Variants in FTO observed in about 807,000 individuals in gnomAD.
The protein encoded by FTO is FTO alpha-ketoglutarate dependent dioxygenase.
Under a neutral mutation model 63.9 loss-of-function variants are expected in FTO, and 47 were observed. That is an observed-to-expected ratio of 0.74 (90% confidence interval 0.58 to 0.94). FTO has a LOEUF of 0.94. Ranked by LOEUF, FTO falls within the 40% of genes least tolerant of loss-of-function variation. The pLI is 0.00. For synonymous variants in FTO, 207 were observed against 224.4 expected (o/e 0.92, Z 0.69); for missense variants, 562 against 618.1 (o/e 0.91, Z 0.96).
At chr16:54,062,293 G>A (rs904845255) in intron 8 of FTO, among the ~76,000 whole-genome samples, 7 of 152,160 alleles carry the variant, frequency 4.6e-5, no homozygotes, top group South Asian at 2.1e-4. Flanking sequence ...TTGGCTTGCC[G>A]TGATAGTTCA....
chr16:53,926,898 A>G (rs1428018041), intron 7 of FTO, among the ~76,000 whole-genome samples: 1 of 152,140 alleles, frequency 6.6e-6, no homozygotes, highest in Non-Finnish European at 1.5e-5. Flanking sequence ...AATGCCAATA[A>G]CCGAAGCATA....
chr16:53,884,712 G>T (rs1199509235), intron 6 of FTO, among the ~76,000 whole-genome samples: 1 of 152,168 alleles, frequency 6.6e-6, no homozygotes, highest in African/African-American at 2.4e-5. Flanking sequence ...TATTAGCTTT[G>T]CTCTCCAATG....
chr16:53,880,087 C>A, intron 6 of FTO, 100 bp downstream of exon 6: 1 of 848,118 alleles, frequency 1.2e-6, no homozygotes, highest in South Asian at 1.5e-5. Context: ...CTCCATCTCC[C>A]AGGTTCAAGT....
intron 8 of FTO, among the ~76,000 whole-genome samples, chr16:53,969,656 C>A (rs548163911): frequency 4.6e-5 from 7 of 152,280 alleles, no homozygotes; most frequent in Admixed American, 4.6e-4. Flanking sequence ...TCCAGTGTCA[C>A]CTCTCTACTA....
At chr16:53,789,058 C>T (rs2077826195) in intron 1 of FTO, among the ~76,000 whole-genome samples, 2 of 152,188 alleles carry the variant, frequency 1.3e-5, no homozygotes, top group African/African-American at 2.4e-5. Context: ...TCTGTATATG[C>T]TCATCTACAT....
At chr16:53,709,809 A>G (rs1203954668) in intron 1 of FTO, among the ~76,000 whole-genome samples, 1 of 152,214 alleles carries the variant, frequency 6.6e-6, no homozygotes, top group Non-Finnish European at 1.5e-5. Context: ...TTGCAGAGTA[A>G]GTCGGAGACA....
At chr16:53,815,832 A>T (rs913790484) in intron 2 of FTO, among the ~76,000 whole-genome samples, 2 of 150,600 alleles carry the variant, frequency 1.3e-5, no homozygotes, top group African/African-American at 4.9e-5. Flanking sequence ...TATTTTTAGT[A>T]GAAACAGGGT....
rs185879327 is a variant in FTO, at chr16:53,882,604, A to G, written c.1119+2617A>G. Reference sequence around the variant, plus strand: ...AACAGTATGTTTGAGTGAAGGGAGTAAGGCTGCTACTTGTAGGAGAAGAGG... The same window carrying G: ...AACAGTATGTTTGAGTGAAGGGAGTGAGGCTGCTACTTGTAGGAGAAGAGG... On this transcript the variant is annotated intron_variant, in intron 6 of 8. Coordinates refer to ENST00000471389, the MANE Select transcript of FTO (RefSeq NM_001080432.3). Among the ~76,000 whole-genome samples, 368 of 152,252 alleles carry G rather than the reference A, an allele frequency of 2.4e-3. 1 individual carries two copies. Among genetic ancestry groups the G allele is most frequent in the African/African-American group, 8.0e-3 (334 of 41,536 alleles).
chr16:53,813,756 C>T (rs1025857336), intron 2 of FTO, among the ~76,000 whole-genome samples: 9 of 152,150 alleles, frequency 5.9e-5, no homozygotes, highest in Non-Finnish European at 1.3e-4. Context: ...GTGTGCTAGG[C>T]TTTGTGCTAC....
intron 2 of FTO, among the ~76,000 whole-genome samples, chr16:53,820,790 C>T (rs531809654): frequency 6.6e-6 from 1 of 152,056 alleles, no homozygotes; most frequent in Non-Finnish European, 1.5e-5. Flanking sequence ...CATCCATGTC[C>T]AGGAAAGGTT....
intron 8 of FTO, among the ~76,000 whole-genome samples, chr16:54,003,839 G>T (rs2084130225): frequency 1.3e-5 from 2 of 152,130 alleles, no homozygotes; most frequent in South Asian, 4.1e-4. Flanking sequence ...AAGATGATGA[G>T]ACATCTCTTT....
intron 4 of FTO, among the ~76,000 whole-genome samples, chr16:53,856,373 G>GTTTAAA (rs879753687): frequency 3.3e-5 from 5 of 149,598 alleles, no homozygotes; most frequent in African/African-American, 1.2e-4. Flanking sequence ...TTTTTTGGGG[G>GTTTAAA]GGGATATTTA....
chr16:53,973,744 G>A (rs1824928633), intron 8 of FTO, among the ~76,000 whole-genome samples: 1 of 152,178 alleles, frequency 6.6e-6, no homozygotes, highest in Admixed American at 6.5e-5. Flanking sequence ...GTGGAAAGGT[G>A]CATGAGGGAA....
intron 1 of FTO, among the ~76,000 whole-genome samples, chr16:53,712,660 C>T (rs2075802960): frequency 6.6e-6 from 1 of 152,218 alleles, no homozygotes; most frequent in Non-Finnish European, 1.5e-5. Flanking sequence ...AACTCTTAGA[C>T]ACTTTGAGCA....
At chr16:53,834,028 T>G (rs2151795667) in intron 3 of FTO, among the ~76,000 whole-genome samples, 1 of 152,288 alleles carries the variant, frequency 6.6e-6, no homozygotes, top group East Asian at 1.9e-4. Flanking sequence ...TGAACTTTTT[T>G]TTTTTATTTT....
intron 8 of FTO, among the ~76,000 whole-genome samples, chr16:54,083,999 A>C (rs2086207533): frequency 6.6e-6 from 1 of 152,198 alleles, no homozygotes; most frequent in South Asian, 2.1e-4. Flanking sequence ...CTTTTTGAGC[A>C]CCAGCATGAT....
intron 1 of FTO, among the ~76,000 whole-genome samples, chr16:53,790,621 G>T (rs2077889735): frequency 7.2e-6 from 1 of 138,622 alleles, no homozygotes. Context: ...ATTTAAGACA[G>T]TCAGGAAAGA....
intron 7 of FTO, among the ~76,000 whole-genome samples, chr16:53,921,481 CAGTT>C (rs2082005894): frequency 6.6e-6 from 1 of 152,158 alleles, no homozygotes; most frequent in Admixed American, 6.5e-5. Context: ...CTTCAATTAA[CAGTT>C]AGGACAACGA....
intron 5 of FTO, among the ~76,000 whole-genome samples, chr16:53,877,769 G>T (rs546676338): frequency 2.4e-4 from 36 of 149,858 alleles, no homozygotes; most frequent in Non-Finnish European, 4.7e-4. Context: ...CCTGATTATA[G>T]ATTATTTACA....
Sources: allele counts gnomAD v4.1 joint callset (sites outside exome capture counted in the v4.1 genomes callset), GRCh38; gene constraint gnomAD v4.1.1; transcripts MANE v1.5; gene names NCBI Gene and HGNC (gene_info 2026-07-23, HGNC 2026-07-21).